Variants in FBXO34 observed in about 807,000 individuals in gnomAD.
FBXO34 encodes the protein F-box only protein 34.
FBXO34 carries 12 observed loss-of-function variants against 24.5 expected under a neutral mutation model. The observed-to-expected ratio is 0.49, with a 90% CI of 0.31 to 0.79. The LOEUF is 0.79. Ranked by LOEUF, FBXO34 falls within the 30% of genes least tolerant of loss-of-function variation. The pLI, the probability that FBXO34 is intolerant of heterozygous loss-of-function variation, is 0.04. For synonymous variants in FBXO34, 320 were observed against 311.9 expected, an observed-to-expected ratio of 1.03 and a Z score of -0.27; for missense variants, 823 against 857.7, an observed-to-expected ratio of 0.96 and a Z score of 0.51.
intron 1 of FBXO34, among the ~76,000 whole-genome samples, chr14:55,302,410 A>T (rs181530996): frequency 1.8e-4 from 27 of 151,410 alleles, no homozygotes; most frequent in African/African-American, 6.5e-4. Context: ...AGAAATTTTT[A>T]AATAGCCTTG....
chr14:55,275,331 G>T (rs1881296328), intron 1 of FBXO34, among the ~76,000 whole-genome samples: 1 of 152,270 alleles, frequency 6.6e-6, no homozygotes, highest in South Asian at 2.1e-4. Context: ...TGTAAGTGTG[G>T]TTATTGCATT....
chr14:55,365,202 CTCTATCATCTCT>C (rs1189921222), downstream of FBXO34, among the ~76,000 whole-genome samples: 3 of 143,844 alleles, frequency 2.1e-5, no homozygotes, highest in African/African-American at 7.6e-5. Context: ...CAAAGTGAGA[CTCTATCATCTCT>C]TCTATCATCT....
intron 1 of FBXO34, among the ~76,000 whole-genome samples, chr14:55,322,331 C>T (rs1184620932): frequency 5.0e-5 from 7 of 141,302 alleles, no homozygotes; most frequent in Middle Eastern, 3.7e-3. Context: ...AAAAAAAATA[C>T]AAACAAGCAA....
At chr14:55,323,887 G>A (rs1883253947) in intron 1 of FBXO34, among the ~76,000 whole-genome samples, 1 of 152,088 alleles carries the variant, frequency 6.6e-6, no homozygotes, top group Admixed American at 6.5e-5. Context: ...TTTTCCCACT[G>A]CTGATGTTAC....
rs192116680 is a variant in FBXO34 at position 55,352,654 on chromosome 14, G to C, written c.*128G>C. On this transcript the variant is annotated 3_prime_UTR_variant, in exon 2 of 2. Transcript: ENST00000313833. ...ATCTGTACATCATCAGGACTGCATT[G>C]CTCAGGCATTTTCTAAACTCTAAAT... The C allele has an allele frequency of 2.1e-3, 1,624 of 764,462 alleles. 8 individuals carry two copies. The highest frequency in any genetic ancestry group is 2.0e-3 in the Non-Finnish European group (976 of 499,914). The allele number at this position is 764,462 out of a possible 1,614,324, so 47.4% of individuals were successfully genotyped here. A position where few individuals can be genotyped will look rare whatever the true frequency, so the allele number is the denominator to read the frequency against.
At chr14:55,291,550 G>GT (rs1881945162) in intron 1 of FBXO34, among the ~76,000 whole-genome samples, 1 of 152,284 alleles carries the variant, frequency 6.6e-6, no homozygotes, top group African/African-American at 2.4e-5. Flanking sequence ...AAATTAAAAA[G>GT]TAGGTTAGGG....
exon 3 of FBXO34, chr14:55,367,450 A>C (rs1884705582): frequency 6.6e-6 from 1 of 152,236 alleles, no homozygotes; most frequent in Non-Finnish European, 1.5e-5. Context: ...AGTGTAGAAG[A>C]ACCCATAAGG....
chr14:55,369,590 C>G (rs1417552825), downstream of FBXO34: 2 of 1,458,734 alleles, frequency 1.4e-6, no homozygotes, highest in South Asian at 3.3e-5. Flanking sequence ...TTTCTTGATG[C>G]AGATTTGGTA....
At chr14:55,329,071 C>A (rs903497665) in intron 1 of FBXO34, among the ~76,000 whole-genome samples, 1 of 147,208 alleles carries the variant, frequency 6.8e-6, no homozygotes, top group Non-Finnish European at 1.5e-5. Flanking sequence ...ATGAGAAGTT[C>A]CTAGAGAGTG....
At chr14:55,322,300 A>C (rs1594750627) in intron 1 of FBXO34, among the ~76,000 whole-genome samples, 1 of 124,904 alleles carries the variant, frequency 8.0e-6, no homozygotes. Context: ...ACAGAGCAAG[A>C]CTCTGTCTCA....
chr14:55,373,616 C>T (rs1486087492), downstream of FBXO34, among the ~76,000 whole-genome samples: 6 of 152,078 alleles, frequency 3.9e-5, no homozygotes, highest in Admixed American at 3.9e-4. Flanking sequence ...CCCGCCACCA[C>T]GCCCAGATAA....
chr14:55,440,302 C>T, the FBXO34 span: 1 of 1,465,042 alleles, frequency 6.8e-7, no homozygotes, highest in South Asian at 1.2e-5. Flanking sequence ...CTCTTATGGT[C>T]GCTATGAGTT....
the FBXO34 span, among the ~76,000 whole-genome samples, chr14:55,414,719 G>A: frequency 6.6e-6 from 1 of 152,198 alleles, no homozygotes; most frequent in Non-Finnish European, 1.5e-5. Flanking sequence ...AATGTGGAAT[G>A]TTATCTCTAC....
chr14:55,327,629 T>C (rs1566557600), intron 1 of FBXO34, among the ~76,000 whole-genome samples: 1 of 151,654 alleles, frequency 6.6e-6, no homozygotes, highest in Non-Finnish European at 1.5e-5. Flanking sequence ...TTTTGGAGAG[T>C]AGTACTGGAA....
At chr14:55,275,854 A>G (rs1419775289) in intron 1 of FBXO34, among the ~76,000 whole-genome samples, 2 of 148,730 alleles carry the variant, frequency 1.3e-5, no homozygotes, top group Admixed American at 6.7e-5. Context: ...AGGATAAACT[A>G]TGTTATGCTA....
Position 55,351,160 on chromosome 14 carries a change from C to G in FBXO34, c.770C>G (p.Ala257Gly). 6.2e-7 allele frequency: 1 copy of G among 1,614,178 alleles called. No homozygotes were observed. The highest frequency in any genetic ancestry group is 2.2e-5 in the East Asian group (1 of 44,888). ...AVSESYSAPG[A>G]CEEPTERGNL... is the part of the protein sequence containing the mutation. Reference sequence around the variant, plus strand: ...TCTGAGTCCTATTCTGCCCCAGGAGCTTGTGAAGAACCCACAGAAAGGGGA... The same window carrying G: ...TCTGAGTCCTATTCTGCCCCAGGAGGTTGTGAAGAACCCACAGAAAGGGGA... The change falls in exon 2 of 2, where the codon GCT becomes GGT. Residue 257 changes from alanine to glycine, a missense_variant. Ala to Gly is a moderately conservative substitution (Grantham distance 60). This residue lies in a region of FBXO34 where 693 missense variants were observed against 659.1 expected (regional missense o/e 1.05). Transcript: ENST00000313833.
intron 1 of FBXO34, among the ~76,000 whole-genome samples, chr14:55,341,629 A>T (rs1883994612): frequency 2.0e-5 from 3 of 152,196 alleles, no homozygotes. Flanking sequence ...GTAATGCTCA[A>T]TGTATTTTTC....
downstream of FBXO34, among the ~76,000 whole-genome samples, chr14:55,370,883 C>T (rs1020938021): frequency 2.0e-5 from 3 of 152,092 alleles, no homozygotes; most frequent in African/African-American, 7.2e-5. Flanking sequence ...TCAAGTGATC[C>T]ACCCACCCCT....
Position 55,284,518 on chromosome 14 carries a change from A to G in FBXO34, c.-11+12981A>G, listed in dbSNP as rs1377654488. 2.9e-3 allele frequency among the ~76,000 whole-genome samples: 432 copies of G among 148,804 alleles called. 5 individuals carry two copies. The highest frequency in any genetic ancestry group is 4.2e-3 in the Non-Finnish European group (281 of 66,494). On this transcript the variant is annotated intron_variant, in intron 1 of 1. Coordinates refer to ENST00000313833, the MANE Select transcript of FBXO34 (RefSeq NM_017943.4). ...CAAGAGTGAACCTCTGTCTCCAAAAAAAAAAAAAAAAAAAGTGAATGATTT... is the reference window on the plus strand; with the variant it reads ...CAAGAGTGAACCTCTGTCTCCAAAAGAAAAAAAAAAAAAAGTGAATGATTT...
Sources: gnomAD v4.1 joint callset for allele counts (sites outside exome capture counted in the v4.1 genomes callset) on GRCh38, gnomAD v4.1.1 for gene constraint, gnomAD v4.1.1 regional missense constraint, MANE v1.5 for transcripts, NCBI Gene and HGNC (gene_info 2026-07-23, HGNC 2026-07-21) for gene names.